The following HIVEP2 variants were observed in gnomAD, a reference collection of about 807,000 sequenced individuals.
HIVEP2 encodes transcription factor HIVEP2.
In HIVEP2, 14 loss-of-function variants were observed where a neutral mutation model predicts 180.7. The observed-to-expected ratio is 0.08, with a 90% CI of 0.05 to 0.12. The LOEUF (loss-of-function observed/expected upper bound fraction) is 0.12. Among genes scored for constraint, HIVEP2 ranks in the 10% least tolerant of loss-of-function variants. The probability of loss-of-function intolerance (pLI) is 1.00; values close to 1 mark genes in which losing one functional copy is unlikely to be tolerated. For missense variants in HIVEP2, 2,579 were observed against 3,008.5 expected (o/e 0.86, Z 3.34); for synonymous variants, 1,184 against 1,136.4 (o/e 1.04, Z -0.84).
intron 6 of HIVEP2, among the ~76,000 whole-genome samples, chr6:142,767,717 T>A (rs1267421378): frequency 6.6e-6 from 1 of 152,246 alleles, no homozygotes; most frequent in African/African-American, 2.4e-5. Context: ...ATGTGTAATT[T>A]TTCTTAACTA....
In HIVEP2 at chr6:142,785,309, C is replaced by CAAA. The variant is rs57458259; in HGVS notation, c.-527-1697_-527-1695dup. Among the ~76,000 whole-genome samples the CAAA allele has an allele frequency of 1.5e-3, 100 of 65,358 alleles. 8 individuals carry two copies. Among genetic ancestry groups the CAAA allele is most frequent in the East Asian group, 2.0e-3 (3 of 1,526 alleles). The allele number at this position is 65,358 out of a possible 152,430, so 42.9% of individuals were successfully genotyped here. ...GGCTAAAGTAAAGCATGGCATTCCT[C>CAAA]AAAAAAAAAAAAAAAAAAAAAAAAA... On this transcript the variant is annotated intron_variant, in intron 2 of 9. Coordinates refer to ENST00000367603, the MANE Select transcript of HIVEP2 (RefSeq NM_006734.4).
At chr6:142,848,775 T>G (rs1479185699) in intron 1 of HIVEP2, among the ~76,000 whole-genome samples, 1 of 151,968 alleles carries the variant, frequency 6.6e-6, no homozygotes, top group Admixed American at 6.6e-5. Context: ...TCCATTCTGA[T>G]GCTTTTGAAA....
At chr6:142,936,398 G>A (rs1436309763) in intron 1 of HIVEP2, among the ~76,000 whole-genome samples, 1 of 151,662 alleles carries the variant, frequency 6.6e-6, no homozygotes, top group Non-Finnish European at 1.5e-5. Flanking sequence ...CATCATATTG[G>A]CCATGCTGAT....
intron 1 of HIVEP2, among the ~76,000 whole-genome samples, chr6:142,851,200 G>C (rs549771438): frequency 2.4e-4 from 36 of 152,346 alleles, no homozygotes; most frequent in African/African-American, 8.4e-4. Flanking sequence ...GAATCAATAA[G>C]GCCTAGTAAT....
intron 3 of HIVEP2, among the ~76,000 whole-genome samples, chr6:142,777,940 T>C (rs1344174020): frequency 1.3e-5 from 2 of 152,132 alleles, no homozygotes. Flanking sequence ...GTGATGATGA[T>C]GATGACAGAA....
At position 142,773,807 on chromosome 6, in the gene HIVEP2, T is replaced by A. The variant is rs921397256; in HGVS notation, c.932A>T (p.Tyr311Phe). 2 of 1,613,810 alleles carry A rather than the reference T, an allele frequency of 1.2e-6. No individual in the cohort carries two copies. The highest frequency in any genetic ancestry group is 1.7e-6 in the Non-Finnish European group (2 of 1,180,052). Reference sequence around the variant, plus strand: ...CAATGATTCTTCCAATGACCCATGATAGCCGCCTCTGCTGGCAATGTCCAG... The same window carrying A: ...CAATGATTCTTCCAATGACCCATGAAAGCCGCCTCTGCTGGCAATGTCCAG... ...IPLDIASRGGYHGSLEESLGG... is the reference protein window; with the variant it reads ...IPLDIASRGGFHGSLEESLGG... The change falls in exon 5 of 10, where the codon TAT (tyrosine) becomes TTT (phenylalanine). Residue 311 changes from tyrosine to phenylalanine, a missense_variant. By Grantham distance (22) the Tyr-to-Phe change is conservative. Transcript: ENST00000367603.
intron 2 of HIVEP2, among the ~76,000 whole-genome samples, chr6:142,785,820 T>C (rs916205558): frequency 1.6e-4 from 24 of 152,226 alleles, no homozygotes; most frequent in African/African-American, 5.3e-4. Context: ...GCATCACTCA[T>C]GACCTTTTAA....
At chr6:142,906,431 C>T (rs906646929) in intron 1 of HIVEP2, among the ~76,000 whole-genome samples, 1 of 151,858 alleles carries the variant, frequency 6.6e-6, no homozygotes, top group Non-Finnish European at 1.5e-5. Flanking sequence ...TATGCCAAGT[C>T]AATCCAGACA....
At chr6:142,836,605 A>G (rs759856547) in intron 2 of HIVEP2, among the ~76,000 whole-genome samples, 7 of 152,170 alleles carry the variant, frequency 4.6e-5, no homozygotes, top group Non-Finnish European at 1.0e-4. Context: ...ACTACATATA[A>G]AAACCTTATT....
At chr6:142,779,921 A>G (rs910318566) in intron 3 of HIVEP2, among the ~76,000 whole-genome samples, 1 of 152,240 alleles carries the variant, frequency 6.6e-6, no homozygotes, top group African/African-American at 2.4e-5. Context: ...CTTACACAAA[A>G]TTCAAAACCA....
Position 142,773,713 on chromosome 6 carries a change from A to T in HIVEP2, c.1026T>A (p.Ser342=). 1 of 1,614,120 alleles carries T rather than the reference A, an allele frequency of 6.2e-7. No homozygotes were observed. The highest frequency in any genetic ancestry group is 8.5e-7 in the Non-Finnish European group (1 of 1,180,018). ...GTAGCATATCAGGGCCAATATACTG[A>T]GAGCTTTCATTAGGGAGAGGAATCC... ...KSGIPLPNES[S]QYIGPDMLPN... Residue 342 remains serine, a synonymous_variant, in exon 5 of 10, where the codon TCT becomes TCA. Coordinates refer to ENST00000367603, the MANE Select transcript of HIVEP2 (RefSeq NM_006734.4).
chr6:142,884,435 G>A (rs531086308), intron 1 of HIVEP2, among the ~76,000 whole-genome samples: 1 of 152,140 alleles, frequency 6.6e-6, no homozygotes, highest in East Asian at 1.9e-4. Context: ...ACTAAAAGGA[G>A]TGTTTTAATT....
rs1234099768 is a variant in HIVEP2, at chr6:142,773,915, C to T, written c.824G>A (p.Gly275Asp). The change falls in exon 5 of 10, where the codon GGT becomes GAT. Residue 275 changes from glycine (G) to aspartate (D), a missense_variant. Coordinates refer to ENST00000367603, the MANE Select transcript of HIVEP2 (RefSeq NM_006734.4). ...CTCATCTGTGTCTGTACTCTGTTCA[C>T]CATCTGAATGTATTTCTGCTTCTAC... is the stretch of plus-strand genomic sequence containing the variant. ...IDVEAEIHSDGEQSTDTDEES... is the reference protein window; with the variant it reads ...IDVEAEIHSDDEQSTDTDEES... 4 of 1,613,892 alleles carry T rather than the reference C, an allele frequency of 2.5e-6. No homozygotes were observed. The African/African-American group carries it at 5.3e-5, about 22-fold the overall frequency.
intron 2 of HIVEP2, among the ~76,000 whole-genome samples, chr6:142,799,326 C>T (rs1224316871): frequency 1.3e-5 from 2 of 152,022 alleles, no homozygotes; most frequent in African/African-American, 4.8e-5. Flanking sequence ...CAGTGGGAAA[C>T]AACATTCTCG....
In HIVEP2 at chr6:142,772,543, C is replaced by G; in HGVS notation, c.2196G>C (p.Leu732=). 6.2e-7 allele frequency: 1 copy of G among 1,614,168 alleles called. No homozygotes were observed. The highest frequency in any genetic ancestry group is 1.1e-5 in the South Asian group (1 of 91,088). ...GIMASDYDPK[L]QMQEGVRSGF... is the part of the protein sequence containing the mutation. ...CACTCCTGACTCCTTCCTGCATCTGCAGTTTGGGGTCATAATCGGAAGCCA... is the reference window on the plus strand; with the variant it reads ...CACTCCTGACTCCTTCCTGCATCTGGAGTTTGGGGTCATAATCGGAAGCCA... The change falls in exon 5 of 10, where the codon CTG becomes CTC. Residue 732 remains leucine, a synonymous_variant. Transcript: ENST00000367603. This position sits in a 1 kb window ranked among gnomAD's most constrained non-coding sequence, Gnocchi z 4.9.
In HIVEP2 at chr6:142,771,039, A is replaced by C; in HGVS notation, c.3700T>G (p.Phe1234Val). The C allele has an allele frequency of 6.2e-7, 1 of 1,614,160 alleles. No homozygotes were observed. Among genetic ancestry groups the C allele is most frequent in the South Asian group, 1.1e-5 (1 of 91,076 alleles). The change falls in exon 5 of 10, where the codon TTT becomes GTT. Residue 1234 changes from phenylalanine (F) to valine (V), a missense_variant. Phe to Val is a conservative substitution (Grantham distance 50). Around this residue, in one of 11 missense-constraint regions of HIVEP2, gnomAD observed 523 missense variants for 577.0 expected, o/e 0.91. Transcript: ENST00000367603. This position sits in a 1 kb window ranked among gnomAD's most constrained non-coding sequence, Gnocchi z 5.4. The stretch of plus-strand genomic sequence containing the variant: ...TAGCTCTTCTGAGGGTGCTGAGCAA[A>C]GGGATGTGGGAAATGTGCCTGCCAC... The part of the protein sequence containing the change: ...PWWQAHFPHP[F>V]AQHPQKSYGK...
At chr6:142,783,877 G>C (rs75060353) in intron 2 of HIVEP2, among the ~76,000 whole-genome samples, 1,669 of 152,220 alleles carry the variant, frequency 0.011, 44 homozygotes, top group African/African-American at 0.039. Flanking sequence ...TCAAGTACCA[G>C]CACTAGAAAT....
At chr6:142,945,620 G>A (rs2128442941), upstream of HIVEP2, among the ~76,000 whole-genome samples, 1 of 152,340 alleles carries the variant, frequency 6.6e-6, no homozygotes, top group Non-Finnish European at 1.5e-5. The surrounding 1 kb of genome is among the most constrained non-coding windows in gnomAD (Gnocchi z 5.5). Flanking sequence ...CGAGCCGGGA[G>A]ACCCTCCAAG....
intron 1 of HIVEP2, among the ~76,000 whole-genome samples, chr6:142,901,429 T>C (rs1470876808): frequency 6.6e-6 from 1 of 152,178 alleles, no homozygotes; most frequent in East Asian, 1.9e-4. Context: ...TTTGCAAACA[T>C]AGATATGCTT....
Sources: allele counts gnomAD v4.1 joint callset (sites outside exome capture counted in the v4.1 genomes callset), GRCh38; gene constraint gnomAD v4.1.1; regional missense constraint gnomAD v4.1.1; non-coding constraint Gnocchi (gnomAD v3.1); transcripts MANE v1.5; gene names NCBI Gene and HGNC (gene_info 2026-07-23, HGNC 2026-07-21).